Variants in GABBR2 observed in about 807,000 individuals in gnomAD.
The protein encoded by GABBR2 is G-protein coupled receptor 51.
In GABBR2, 23 loss-of-function variants were observed where a neutral mutation model predicts 105.6. The observed-to-expected ratio is 0.22, with a 90% CI of 0.16 to 0.31. The LOEUF is 0.31. Among genes scored for constraint, GABBR2 ranks in the 10% least tolerant of loss-of-function variants. The pLI is 1.00. For synonymous variants in GABBR2, 478 were observed against 499.7 expected, an observed-to-expected ratio of 0.96 and a Z score of 0.58; for missense variants, 734 against 1,245.5, an observed-to-expected ratio of 0.59 and a Z score of 6.18.
chr9:98,552,837 G>C (rs921156421), intron 2 of GABBR2, among the ~76,000 whole-genome samples: 4 of 152,072 alleles, frequency 2.6e-5, no homozygotes, highest in Admixed American at 6.5e-5. Flanking sequence ...ATGCACAGCA[G>C]TTCAGCTTTT....
At chr9:98,471,846 T>A (rs1425106502) in intron 6 of GABBR2, among the ~76,000 whole-genome samples, 1 of 152,240 alleles carries the variant, frequency 6.6e-6, no homozygotes, top group Admixed American at 6.5e-5. Flanking sequence ...AAAATAACAC[T>A]TACTGAATAA....
At chr9:98,513,413 A>C (rs202182462) in intron 3 of GABBR2, among the ~76,000 whole-genome samples, 7,300 of 152,232 alleles carry the variant, frequency 0.048, 252 homozygotes, top group South Asian at 0.13. Context: ...AATGGGATCT[A>C]ATTAAACTAA....
chr9:98,528,840 T>C (rs1244119623), intron 3 of GABBR2, among the ~76,000 whole-genome samples: 1 of 152,216 alleles, frequency 6.6e-6, no homozygotes, highest in Non-Finnish European at 1.5e-5. Flanking sequence ...TAAATTGGCA[T>C]GATCTTTCTG....
intron 1 of GABBR2, among the ~76,000 whole-genome samples, chr9:98,609,915 G>A (rs1829481002): frequency 6.6e-6 from 1 of 152,340 alleles, no homozygotes; most frequent in East Asian, 1.9e-4. Flanking sequence ...GCACTGGGAG[G>A]CTGTTTCCAC....
chr9:98,699,605 A>G (rs1446753693), intron 1 of GABBR2, among the ~76,000 whole-genome samples: 2 of 152,196 alleles, frequency 1.3e-5, no homozygotes, highest in African/African-American at 2.4e-5. Flanking sequence ...TAGGGGGACC[A>G]CAGAGGAGCC....
chr9:98,696,139 C>T (rs1408418164), intron 1 of GABBR2, among the ~76,000 whole-genome samples: 5 of 152,134 alleles, frequency 3.3e-5, no homozygotes, highest in Admixed American at 3.3e-4. Context: ...TTAGAGAAAA[C>T]GTGATAGTGG....
intron 11 of GABBR2, among the ~76,000 whole-genome samples, chr9:98,382,437 C>T (rs1381708039): frequency 1.3e-5 from 2 of 152,146 alleles, no homozygotes; most frequent in Non-Finnish European, 2.9e-5. Flanking sequence ...CCTCAGCCTC[C>T]TGAGTAGCTG....
chr9:98,390,758 A>G (rs1832165553), intron 9 of GABBR2, among the ~76,000 whole-genome samples: 1 of 152,152 alleles, frequency 6.6e-6, no homozygotes. Flanking sequence ...TCCTGGCTGG[A>G]AACAAGCCCT....
intron 1 of GABBR2, among the ~76,000 whole-genome samples, chr9:98,630,390 T>C (rs1829800364): frequency 1.3e-5 from 2 of 152,188 alleles, no homozygotes; most frequent in African/African-American, 4.8e-5. Context: ...CACTACATGA[T>C]GGTACTTAAT....
At chr9:98,443,747 A>G (rs1588164158) in intron 7 of GABBR2, among the ~76,000 whole-genome samples, 1 of 152,298 alleles carries the variant, frequency 6.6e-6, no homozygotes, top group Non-Finnish European at 1.5e-5. Flanking sequence ...CCCCACTGTC[A>G]AGGGGCTCAG....
chr9:98,616,132 T>C (rs1218356986), intron 1 of GABBR2, among the ~76,000 whole-genome samples: 2 of 152,218 alleles, frequency 1.3e-5, no homozygotes, highest in East Asian at 3.8e-4. Flanking sequence ...GGTTAAGAAT[T>C]TCAAGCCATG....
chr9:98,497,765 C>T (rs1295110156), intron 3 of GABBR2, among the ~76,000 whole-genome samples: 2 of 152,206 alleles, frequency 1.3e-5, no homozygotes, highest in Non-Finnish European at 2.9e-5. Context: ...AACTGGAACC[C>T]TTGTGTGTTG....
intron 3 of GABBR2, among the ~76,000 whole-genome samples, chr9:98,527,992 C>T (rs758787977): frequency 6.6e-6 from 1 of 152,184 alleles, no homozygotes; most frequent in Non-Finnish European, 1.5e-5. Context: ...ATGTGATTAT[C>T]AAGCGCTTGA....
chr9:98,639,599 CAAA>C (rs113683310), intron 1 of GABBR2, among the ~76,000 whole-genome samples: 3 of 141,206 alleles, frequency 2.1e-5, no homozygotes, highest in African/African-American at 7.8e-5. Context: ...CACGCATAGA[CAAA>C]AAAAAAAAAA....
At chr9:98,486,003 G>A (rs1476444230) in intron 4 of GABBR2, among the ~76,000 whole-genome samples, 1 of 152,158 alleles carries the variant, frequency 6.6e-6, no homozygotes, top group Non-Finnish European at 1.5e-5. Flanking sequence ...CTGTGCTCCG[G>A]AGACCCCTGT....
At chr9:98,616,618 G>A (rs1829589909) in intron 1 of GABBR2, among the ~76,000 whole-genome samples, 2 of 152,140 alleles carry the variant, frequency 1.3e-5, no homozygotes, top group Admixed American at 6.5e-5. Context: ...GCTGGGCATG[G>A]TGGTGCATGC....
chr9:98,683,986 C>A (rs28602315), intron 1 of GABBR2, among the ~76,000 whole-genome samples: 4 of 129,198 alleles, frequency 3.1e-5, no homozygotes, highest in Non-Finnish European at 6.3e-5. Flanking sequence ...CCAGCCTGGG[C>A]GACAGAGCGA....
chr9:98,318,891 T>TTGTGTGTGTGTG (rs111952099), intron 13 of GABBR2, among the ~76,000 whole-genome samples: 2 of 148,288 alleles, frequency 1.3e-5, no homozygotes, highest in African/African-American at 4.9e-5. Context: ...AAATGTGAGT[T>TTGTGTGTGTGTG]TGTGTGTGTG....
chr9:98,707,731 C>T (rs1348929916), intron 1 of GABBR2, among the ~76,000 whole-genome samples: 2 of 152,216 alleles, frequency 1.3e-5, no homozygotes, highest in East Asian at 1.9e-4. Flanking sequence ...ACGAGAACTG[C>T]CAGGGCACTT....
Sources: gnomAD v4.1 joint callset for allele counts (sites outside exome capture counted in the v4.1 genomes callset) on GRCh38, gnomAD v4.1.1 for gene constraint, MANE v1.5 for transcripts, NCBI Gene and HGNC (gene_info 2026-07-23, HGNC 2026-07-21) for gene names.